Variants in EMC8 observed in about 807,000 individuals in gnomAD.
EMC8 encodes the protein COX4 neighbor.
Under a neutral mutation model 24.3 loss-of-function variants are expected in EMC8, and 11 were observed. That is an observed-to-expected ratio of 0.45 (90% CI 0.28 to 0.75). The LOEUF (loss-of-function observed/expected upper bound fraction) is 0.75. Among genes scored for constraint, EMC8 ranks in the 30% least tolerant of loss-of-function variants. EMC8 has a pLI of 0.12. For synonymous variants in EMC8, 145 were observed against 117.7 expected, an observed-to-expected ratio of 1.23 and a Z score of -1.50; for missense variants, 277 against 282.7, an observed-to-expected ratio of 0.98 and a Z score of 0.14.
intron 1 of EMC8, among the ~76,000 whole-genome samples, chr16:85,796,298 A>T (rs56275070): frequency 0.012 from 1,853 of 152,234 alleles, 29 homozygotes; most frequent in African/African-American, 0.042. Flanking sequence ...AACCTAGGTA[A>T]CACCCTTACT....
intron 3 of EMC8, chr16:85,780,677 G>GT: frequency 1.7e-6 from 1 of 581,872 alleles, no homozygotes. Context: ...GTCCTTCATT[G>GT]TTTTTTCACA....
chr16:85,791,145 G>A (rs151072902), intron 1 of EMC8, among the ~76,000 whole-genome samples: 1,520 of 151,622 alleles, frequency 0.01, 14 homozygotes, highest in Middle Eastern at 0.027. Flanking sequence ...TTTAAGGCAA[G>A]AAATAAATTT....
At chr16:85,797,380 G>A (rs1393135205) in intron 1 of EMC8, among the ~76,000 whole-genome samples, 3 of 152,088 alleles carry the variant, frequency 2.0e-5, no homozygotes, top group African/African-American at 7.2e-5. Flanking sequence ...TGCACTCCAG[G>A]CTGGGTGACA....
intron 1 of EMC8, among the ~76,000 whole-genome samples, chr16:85,797,983 T>C (rs1413247731): frequency 1.3e-5 from 2 of 152,206 alleles, no homozygotes; most frequent in Admixed American, 6.5e-5. Flanking sequence ...TAAAATTCAC[T>C]TACCAACTAG....
At chr16:85,787,329 G>A (rs1904800095) in intron 2 of EMC8, among the ~76,000 whole-genome samples, 1 of 152,054 alleles carries the variant, frequency 6.6e-6, no homozygotes, top group African/African-American at 2.4e-5. Context: ...CTGGACTTCT[G>A]GGATCATCCT....
At chr16:85,792,871 C>T (rs1425269998) in intron 1 of EMC8, 1 of 152,180 alleles carries the variant, frequency 6.6e-6, no homozygotes, top group Non-Finnish European at 1.5e-5. Context: ...TGTACGACAC[C>T]CCACACCCTG....
chr16:85,793,991 G>A (rs1905135406), intron 1 of EMC8, among the ~76,000 whole-genome samples: 1 of 152,084 alleles, frequency 6.6e-6, no homozygotes, highest in Non-Finnish European at 1.5e-5. Context: ...CCTTTCAAAG[G>A]AATCTAATGT....
At position 85,799,287 on chromosome 16, in the gene EMC8, C is replaced by G. The variant is rs1284041414; in HGVS notation, c.9G>C (p.Gly3=). 10 of 1,602,360 alleles carry G rather than the reference C, an allele frequency of 6.2e-6. No homozygotes were observed. The South Asian group carries it at 6.6e-5, about 11-fold the overall frequency. The change falls in exon 1 of 5, where the codon GGG becomes GGC. Residue 3 remains glycine (G), a synonymous_variant. Coordinates refer to ENST00000253457, the MANE Select transcript of EMC8 (RefSeq NM_006067.5). The surrounding 1 kb of genome is among the most constrained non-coding windows in gnomAD (Gnocchi z 4.2). The part of the protein sequence containing the change: MP[G]VKLTTQAYCK... ...AGTAGGCCTGGGTGGTCAGTTTCAC[C>G]CCGGGCATGCTGACCCGGGAGGGCC...
intron 3 of EMC8, chr16:85,780,975 A>G: frequency 1.8e-6 from 1 of 555,800 alleles, no homozygotes; most frequent in Non-Finnish European, 3.2e-6. Flanking sequence ...ACAAGTTCCC[A>G]GGTGCTGCGG....
At chr16:85,783,173 C>T (rs1030650642) in intron 2 of EMC8, among the ~76,000 whole-genome samples, 1 of 152,154 alleles carries the variant, frequency 6.6e-6, no homozygotes, top group South Asian at 2.1e-4. Context: ...TGTGGTGATG[C>T]ACATCTGTAG....
intron 1 of EMC8, among the ~76,000 whole-genome samples, chr16:85,793,337 T>A (rs1199904832): frequency 6.6e-6 from 1 of 152,192 alleles, no homozygotes; most frequent in Non-Finnish European, 1.5e-5. Context: ...AAAGTAGGCC[T>A]TGGAGTTCAG....
rs368439363 is a variant in EMC8 at position 85,779,911 on chromosome 16, G to A, written c.474-44C>T. ...GAAGTCAGCATCTAACAGTGAAAAC[G>A]GGCGGCTTGTAACAGCATCAAGAGA... On this transcript the variant is annotated intron_variant, in intron 4 of 4. Coordinates refer to ENST00000253457, the MANE Select transcript of EMC8 (RefSeq NM_006067.5). The A allele has an allele frequency of 4.9e-5, 78 of 1,596,746 alleles. No individual in the cohort carries two copies. In the African/African-American group the frequency reaches 8.6e-4, roughly 18 times the overall value.
chr16:85,799,054 T>G lies in EMC8; in HGVS notation c.231+11A>C. On this transcript the variant is annotated intron_variant, in intron 1 of 4. Coordinates refer to ENST00000253457, the MANE Select transcript of EMC8 (RefSeq NM_006067.5). The surrounding 1 kb of genome is among the most constrained non-coding windows in gnomAD (Gnocchi z 4.2). ...CTGCCTGCAAGGGGAAGGGGCCCTT[T>G]CCGCGCTTACCAGGGTGAGAGCCAC... 1 of 1,525,282 alleles carries G rather than the reference T, an allele frequency of 6.6e-7. No individual in the cohort carries two copies. The highest frequency in any genetic ancestry group is 8.9e-7 in the Non-Finnish European group (1 of 1,126,782). 94.5% of individuals were successfully genotyped at this position (1,525,282 alleles called of 1,614,324 possible). A position where few individuals can be genotyped will look rare whatever the true frequency, so the allele number is the denominator to read the frequency against.
At chr16:85,785,467 GC>G (rs1262873018) in intron 2 of EMC8, among the ~76,000 whole-genome samples, 1 of 152,120 alleles carries the variant, frequency 6.6e-6, no homozygotes, top group Admixed American at 6.5e-5. Flanking sequence ...CTACTCAGGA[GC>G]CTGAGACAGC....
chr16:85,799,338 A>T lies in EMC8; in HGVS notation c.-43T>A, dbSNP rs2152079233. ...CCGGAGGCCCCTGGGCGCGCGGCTG[A>T]GGCCTGGACCCGCTGCCTGGCCGCG... On this transcript the variant is annotated 5_prime_UTR_variant, in exon 1 of 5. Transcript: ENST00000253457. This position sits in a 1 kb window ranked among gnomAD's most constrained non-coding sequence, Gnocchi z 4.2. 1 of 1,362,766 alleles carries T rather than the reference A, an allele frequency of 7.3e-7. No individual in the cohort carries two copies. The highest frequency in any genetic ancestry group is 9.9e-7 in the Non-Finnish European group (1 of 1,009,416). 84.4% of individuals were successfully genotyped at this position (1,362,766 alleles called of 1,614,324 possible). A position where few individuals can be genotyped will look rare whatever the true frequency, so the allele number is the denominator to read the frequency against.
At chr16:85,793,613 C>T (rs571556161) in intron 1 of EMC8, among the ~76,000 whole-genome samples, 3 of 152,222 alleles carry the variant, frequency 2.0e-5, no homozygotes, top group South Asian at 2.1e-4. Context: ...CCAGGGCAGC[C>T]GCCGTGCAGA....
At chr16:85,797,179 G>A (rs1219813821) in intron 1 of EMC8, among the ~76,000 whole-genome samples, 1 of 152,158 alleles carries the variant, frequency 6.6e-6, no homozygotes, top group Admixed American at 6.5e-5. Context: ...ATGCGGAGGT[G>A]GCCGTATTAC....
At chr16:85,783,121 G>T (rs558125759) in intron 2 of EMC8, among the ~76,000 whole-genome samples, 2 of 152,150 alleles carry the variant, frequency 1.3e-5, no homozygotes, top group African/African-American at 4.8e-5. Context: ...TGGCCAACAT[G>T]GTGAAACCCT....
chr16:85,789,030 A>G lies in EMC8; in HGVS notation c.252T>C (p.Asp84=). The change falls in exon 2 of 5, where the codon GAT becomes GAC. Residue 84 remains aspartate (D), a synonymous_variant. Transcript: ENST00000253457. ...ALTLIDSWCK[D]HSYVIAGYYQ... is the part of the protein sequence containing the mutation. ...AATAACCAGCAATCACGTAGCTATG[A>G]TCTTTGCACCATGAATCAATCTGAA... 3 of 1,613,698 alleles carry G rather than the reference A, an allele frequency of 1.9e-6. No individual in the cohort carries two copies. The highest frequency in any genetic ancestry group is 2.5e-6 in the Non-Finnish European group (3 of 1,179,562).
Sources: gnomAD v4.1 joint callset for allele counts (sites outside exome capture counted in the v4.1 genomes callset) on GRCh38, gnomAD v4.1.1 for gene constraint, Gnocchi (gnomAD v3.1) non-coding constraint, MANE v1.5 for transcripts, NCBI Gene and HGNC (gene_info 2026-07-23, HGNC 2026-07-21) for gene names.